PIEZO2: variants seen among roughly 807,000 people sequenced by gnomAD.
PIEZO2 encodes the protein piezo-type mechanosensitive ion channel component 2.
Under a neutral mutation model 337.3 loss-of-function variants are expected in PIEZO2, and 172 were observed. That is an observed-to-expected ratio of 0.51 (90% confidence interval 0.45 to 0.58). The LOEUF is 0.58. Ranked by LOEUF, PIEZO2 falls within the 20% of genes least tolerant of loss-of-function variation. PIEZO2 has a pLI of 0.00. For missense variants in PIEZO2, 3,028 were observed against 3,391.3 expected, an observed-to-expected ratio of 0.89 and a Z score of 2.66; for synonymous variants, 1,251 against 1,228.5, an observed-to-expected ratio of 1.02 and a Z score of -0.38.
At chr18:10,858,010 T>TTCTTTCTTTC (rs550227527) in intron 5 of PIEZO2, among the ~76,000 whole-genome samples, 4 of 149,026 alleles carry the variant, frequency 2.7e-5, no homozygotes, top group African/African-American at 9.9e-5. Context: ...TCTTTCTTTT[T>TTCTTTCTTTC]TTTTTTTTTT....
At chr18:10,714,370 G>A (rs1315754924) in intron 39 of PIEZO2, among the ~76,000 whole-genome samples, 1 of 152,186 alleles carries the variant, frequency 6.6e-6, no homozygotes, top group Non-Finnish European at 1.5e-5. Context: ...TGAAGGGAAA[G>A]ATCAAGGATA....
chr18:10,841,891 T>A (rs182170784), intron 7 of PIEZO2, among the ~76,000 whole-genome samples: 1 of 152,300 alleles, frequency 6.6e-6, no homozygotes, highest in African/African-American at 2.4e-5. Flanking sequence ...ACGCAGGGCG[T>A]GGTGGCTCAC....
intron 2 of PIEZO2, among the ~76,000 whole-genome samples, chr18:11,052,308 G>T (rs1252543100): frequency 6.6e-6 from 1 of 152,152 alleles, no homozygotes; most frequent in East Asian, 1.9e-4. Context: ...AGGATTCTAG[G>T]ATGAATCCAG....
intron 7 of PIEZO2, among the ~76,000 whole-genome samples, chr18:10,848,853 T>C (rs1480662197): frequency 6.6e-6 from 1 of 152,218 alleles, no homozygotes; most frequent in East Asian, 1.9e-4. Flanking sequence ...TACATTATGA[T>C]GAAGGAAATC....
chr18:10,771,376 C>A (rs1158051267), intron 20 of PIEZO2, among the ~76,000 whole-genome samples: 1 of 152,218 alleles, frequency 6.6e-6, no homozygotes, highest in Non-Finnish European at 1.5e-5. Context: ...ATTATTTCTA[C>A]CTTGTGCTAA....
chr18:10,706,246 A>T (rs1023361184), intron 40 of PIEZO2, among the ~76,000 whole-genome samples: 1 of 152,202 alleles, frequency 6.6e-6, no homozygotes, highest in African/African-American at 2.4e-5. Flanking sequence ...AATGGGAATG[A>T]TTAAATATTG....
Position 11,081,913 on chromosome 18 carries a change from C to T in PIEZO2, c.65-15691G>A, listed in dbSNP as rs149963556. ...TAGCTGGGACTACAGGCACATGCCA[C>T]CATGCCCAGTTAATTTTTGTATTTT... On this transcript the variant is annotated intron_variant, in intron 1 of 55. Transcript: ENST00000674853. 4.6e-3 allele frequency among the ~76,000 whole-genome samples: 707 copies of T among 152,232 alleles called. 3 individuals are homozygous for T. The highest frequency in any genetic ancestry group is 0.01 in the Middle Eastern group (3 of 294).
intron 38 of PIEZO2, 94 bp downstream of exon 38, chr18:10,715,556 G>T: frequency 8.5e-7 from 1 of 1,173,152 alleles, no homozygotes; most frequent in Non-Finnish European, 1.1e-6. Flanking sequence ...GGAAAGAAAG[G>T]GCTTTGTCTT....
At chr18:10,732,617 GCAACATCTGTATTAT>G in intron 35 of PIEZO2, among the ~76,000 whole-genome samples, 1 of 152,084 alleles carries the variant, frequency 6.6e-6, no homozygotes. Context: ...TAAAACAAAT[GCAACATCTGTATTAT>G]TTCTGAATAA....
intron 2 of PIEZO2, among the ~76,000 whole-genome samples, chr18:11,023,635 C>T (rs2036404471): frequency 1.3e-5 from 2 of 152,258 alleles, no homozygotes; most frequent in African/African-American, 2.4e-5. Flanking sequence ...CTGCCAGTCC[C>T]GTGCCGTGTG....
chr18:11,044,378 A>T lies in PIEZO2; in HGVS notation c.160+21749T>A, dbSNP rs116240507. Among the ~76,000 whole-genome samples the T allele has an allele frequency of 5.4e-3, 820 of 152,276 alleles. 8 individuals carry two copies. Among genetic ancestry groups the T allele is most frequent in the African/African-American group, 0.019 (787 of 41,564 alleles). On this transcript the variant is annotated intron_variant, in intron 2 of 55. Coordinates refer to ENST00000674853, the MANE Select transcript of PIEZO2 (RefSeq NM_001378183.1). ...TTTGCACCTGTAAGGATAACACTCA[A>T]CTAACACAGTACGGCACTTTGAGAT...
At chr18:10,774,992 A>G (rs1275267143) in intron 18 of PIEZO2, among the ~76,000 whole-genome samples, 1 of 152,176 alleles carries the variant, frequency 6.6e-6, no homozygotes, top group Non-Finnish European at 1.5e-5. Context: ...ATATTTGTAA[A>G]CATGCCTATC....
chr18:10,850,541 ATTC>A lies in PIEZO2; in HGVS notation c.917+4809_917+4811del, dbSNP rs2041514490. ...TAATGTGGGCACTTGTTGCAGCCTT[ATTC>A]ATGAGAACAAAAATGAGAAATCATC... On this transcript the variant is annotated intron_variant, in intron 7 of 55. Transcript: ENST00000674853. This position sits in a 1 kb window ranked among gnomAD's most constrained non-coding sequence, Gnocchi z 4.5. 1.3e-5 allele frequency among the ~76,000 whole-genome samples: 2 copies of A among 152,220 alleles called. No homozygotes were observed. The highest frequency in any genetic ancestry group is 2.9e-5 in the Non-Finnish European group (2 of 68,024).
chr18:10,700,705 T>G (rs2035294678), intron 43 of PIEZO2, among the ~76,000 whole-genome samples: 1 of 152,194 alleles, frequency 6.6e-6, no homozygotes, highest in Non-Finnish European at 1.5e-5. Context: ...ATTTAAAAAG[T>G]GAATTTCTAA....
intron 3 of PIEZO2, among the ~76,000 whole-genome samples, chr18:10,941,740 A>T (rs1205199927): frequency 1.3e-5 from 2 of 152,242 alleles, no homozygotes; most frequent in Admixed American, 1.3e-4. Flanking sequence ...AGAATATAAA[A>T]TAAATTGATT....
In PIEZO2 at chr18:11,028,029, T is replaced by C. The variant is rs2036595798; in HGVS notation, c.160+38098A>G. On this transcript the variant is annotated intron_variant, in intron 2 of 55. Coordinates refer to ENST00000674853, the MANE Select transcript of PIEZO2 (RefSeq NM_001378183.1). This position sits in a 1 kb window ranked among gnomAD's most constrained non-coding sequence, Gnocchi z 4.8. ...TTAGTGCAGGGTAACCTGCCAAGTGTCCCTGTGGCTAGTCCAAGCACCGTC... is the reference window on the plus strand; with the variant it reads ...TTAGTGCAGGGTAACCTGCCAAGTGCCCCTGTGGCTAGTCCAAGCACCGTC... Among the ~76,000 whole-genome samples the C allele has an allele frequency of 6.6e-6, 1 of 152,214 alleles. No individual in the cohort carries two copies.
rs189026891 is a variant in PIEZO2, at chr18:11,009,231, T to C, written c.161-29571A>G. ...CCCAAGGACTCTTATTAAATAATTT[T>C]CAATGAATTGCTGAGTCTCTGAAGA... On this transcript the variant is annotated intron_variant, in intron 2 of 55. Coordinates refer to ENST00000674853, the MANE Select transcript of PIEZO2 (RefSeq NM_001378183.1). The surrounding 1 kb of genome is among the most constrained non-coding windows in gnomAD (Gnocchi z 4.6). Among the ~76,000 whole-genome samples, 3 of 152,358 alleles carry C rather than the reference T, an allele frequency of 2.0e-5. No homozygotes were observed. The East Asian group carries it at 5.8e-4, about 29-fold the overall frequency.
At chr18:10,996,403 T>C (rs913639755) in intron 2 of PIEZO2, among the ~76,000 whole-genome samples, 1 of 152,366 alleles carries the variant, frequency 6.6e-6, no homozygotes, top group East Asian at 1.9e-4. Flanking sequence ...AATAATTCAA[T>C]GGCATTTAGT....
At chr18:10,793,162 G>A (rs1278368267) in intron 13 of PIEZO2, among the ~76,000 whole-genome samples, 1 of 152,214 alleles carries the variant, frequency 6.6e-6, no homozygotes, top group African/African-American at 2.4e-5. Context: ...GGGAGGCTGA[G>A]GCAGGAGAAT....
Sources: allele counts gnomAD v4.1 joint callset (sites outside exome capture counted in the v4.1 genomes callset), GRCh38; gene constraint gnomAD v4.1.1; non-coding constraint Gnocchi (gnomAD v3.1); transcripts MANE v1.5; gene names NCBI Gene and HGNC (gene_info 2026-07-23, HGNC 2026-07-21).